SLC41A2: variants seen among roughly 807,000 people sequenced by gnomAD.
The protein encoded by SLC41A2 is SLC41A1-like 1.
SLC41A2 carries 32 observed loss-of-function variants against 58.3 expected under a neutral mutation model. The ratio of observed to expected loss-of-function variants is 0.55; its 90% CI spans 0.41 to 0.74. SLC41A2 has a LOEUF of 0.74. Ranked by LOEUF, SLC41A2 falls within the 30% of genes least tolerant of loss-of-function variation. SLC41A2 has a pLI of 0.00. For synonymous variants in SLC41A2, 190 were observed against 235.0 expected (o/e 0.81, Z 1.75); for missense variants, 514 against 680.6 (o/e 0.76, Z 2.72).
At chr12:104,855,739 T>C (rs2042995642) in intron 8 of SLC41A2, among the ~76,000 whole-genome samples, 1 of 152,156 alleles carries the variant, frequency 6.6e-6, no homozygotes, top group Non-Finnish European at 1.5e-5. Context: ...GCATCTTGAA[T>C]TCAGAAGCTA....
chr12:104,870,067 C>T lies in SLC41A2; in HGVS notation c.1028-3488G>A, dbSNP rs75477746. 3.5e-3 allele frequency among the ~76,000 whole-genome samples: 526 copies of T among 152,130 alleles called. 7 individuals carry two copies. Among genetic ancestry groups the T allele is most frequent in the African/African-American group, 0.012 (490 of 41,486 alleles). ...CAGGACCTGTGAATGCTACCTTATA[C>T]GGCAAAAGGGGCTTTGTAGAAATGA... On this transcript the variant is annotated intron_variant, in intron 6 of 10. Transcript: ENST00000258538.
intron 3 of SLC41A2, among the ~76,000 whole-genome samples, chr12:104,906,357 G>A (rs570897393): frequency 1.3e-5 from 2 of 152,288 alleles, no homozygotes; most frequent in East Asian, 3.9e-4. Flanking sequence ...AACGCCAAGG[G>A]GTGGGTGTTT....
At chr12:104,868,695 G>A (rs542025425) in intron 6 of SLC41A2, among the ~76,000 whole-genome samples, 4 of 152,192 alleles carry the variant, frequency 2.6e-5, no homozygotes, top group African/African-American at 7.2e-5. Flanking sequence ...AAAAGTAGAA[G>A]CAACCTAAAT....
intron 2 of SLC41A2, among the ~76,000 whole-genome samples, chr12:104,914,845 C>A (rs1380672396): frequency 2.0e-5 from 3 of 152,254 alleles, no homozygotes; most frequent in Non-Finnish European, 2.9e-5. Flanking sequence ...TAGTAATTAA[C>A]TGAGTGTTTA....
At chr12:104,807,443 T>C (rs1486946831) in intron 10 of SLC41A2, among the ~76,000 whole-genome samples, 1 of 152,162 alleles carries the variant, frequency 6.6e-6, no homozygotes, top group Non-Finnish European at 1.5e-5. Flanking sequence ...TTTGGTACAG[T>C]ACCATGCTGT....
intron 2 of SLC41A2, among the ~76,000 whole-genome samples, chr12:104,917,485 A>G (rs543235750): frequency 5.9e-5 from 9 of 152,240 alleles, no homozygotes; most frequent in Admixed American, 5.2e-4. Context: ...GTATATACCC[A>G]AAGGACTATA....
intron 1 of SLC41A2, among the ~76,000 whole-genome samples, chr12:104,957,568 T>C (rs1401146680): frequency 6.6e-6 from 1 of 152,238 alleles, no homozygotes; most frequent in Non-Finnish European, 1.5e-5. Context: ...ATATACGTAA[T>C]ATACACATCA....
At chr12:104,911,194 C>T (rs1417513360) in intron 2 of SLC41A2, among the ~76,000 whole-genome samples, 4 of 152,182 alleles carry the variant, frequency 2.6e-5, no homozygotes, top group African/African-American at 7.2e-5. Flanking sequence ...CAATGTATAA[C>T]TTACATGTAT....
At chr12:104,911,035 C>A (rs1247353043) in intron 2 of SLC41A2, among the ~76,000 whole-genome samples, 1 of 152,208 alleles carries the variant, frequency 6.6e-6, no homozygotes, top group African/African-American at 2.4e-5. Context: ...TCTCCACACC[C>A]CTTATCTTAA....
At chr12:104,837,650 G>C (rs1304680790) in intron 10 of SLC41A2, among the ~76,000 whole-genome samples, 1 of 152,072 alleles carries the variant, frequency 6.6e-6, no homozygotes, top group Non-Finnish European at 1.5e-5. Context: ...CTGCAGTAAA[G>C]AACAGGGGCC....
At chr12:104,823,769 T>A (rs1273328636) in intron 10 of SLC41A2, among the ~76,000 whole-genome samples, 1 of 152,146 alleles carries the variant, frequency 6.6e-6, no homozygotes, top group Non-Finnish European at 1.5e-5. Context: ...CTGAACTTCA[T>A]TCAAATTAGA....
At position 104,930,577 on chromosome 12, in the gene SLC41A2, T is replaced by C. The variant is rs79832723; in HGVS notation, c.-167-1883A>G. 3.0e-3 allele frequency among the ~76,000 whole-genome samples: 450 copies of C among 152,308 alleles called. 3 individuals are homozygous for C. Among genetic ancestry groups the C allele is most frequent in the African/African-American group, 8.6e-3 (357 of 41,564 alleles). ...TGAGCTATAAGACAGGTCTATTCCA[T>C]AGGAGGACCAGTGATAGGAAACTTC... On this transcript the variant is annotated intron_variant, in intron 1 of 10. Transcript: ENST00000258538.
intron 10 of SLC41A2, among the ~76,000 whole-genome samples, chr12:104,831,777 C>T (rs965920155): frequency 1.3e-5 from 2 of 152,102 alleles, no homozygotes; most frequent in Admixed American, 6.5e-5. Flanking sequence ...TTATATCTAA[C>T]ATAGAAAACA....
intron 2 of SLC41A2, among the ~76,000 whole-genome samples, chr12:104,917,587 A>G (rs1212364503): frequency 6.6e-6 from 1 of 151,594 alleles, no homozygotes; most frequent in Non-Finnish European, 1.5e-5. Context: ...AATATCCAAC[A>G]ATGATAGACT....
At chr12:104,808,462 G>T (rs149727731) in intron 10 of SLC41A2, among the ~76,000 whole-genome samples, 3,600 of 152,186 alleles carry the variant, frequency 0.024, 76 homozygotes, top group East Asian at 0.093. Flanking sequence ...TGCTGGATTC[G>T]GTTTGCCAGT....
chr12:104,941,428 T>C (rs2047510079), intron 1 of SLC41A2, among the ~76,000 whole-genome samples: 2 of 152,162 alleles, frequency 1.3e-5, no homozygotes, highest in Non-Finnish European at 2.9e-5. Flanking sequence ...TCGCAAATAA[T>C]TTTTCAAATA....
rs1008156490 is a variant in SLC41A2 at position 104,801,911 on chromosome 12, A to T, written c.*3241T>A. The stretch of plus-strand genomic sequence containing the variant: ...TGGCTTGATGTTCTCTAGTTCATCA[A>T]GAAGTAAGCATAACAAGACTGGATA... On this transcript the variant is annotated 3_prime_UTR_variant, in exon 11 of 11. Transcript: ENST00000258538. Among the ~76,000 whole-genome samples the T allele has an allele frequency of 2.0e-4, 30 of 152,222 alleles. No homozygotes were observed. Among genetic ancestry groups the T allele is most frequent in the African/African-American group, 7.0e-4 (29 of 41,466 alleles).
rs2040822970 is a variant in SLC41A2, at chr12:104,804,472, A to G, written c.*680T>C. 2 of 152,226 alleles carry G rather than the reference A, an allele frequency of 1.3e-5. No homozygotes were observed. Among genetic ancestry groups the G allele is most frequent in the East Asian group, 1.9e-4 (1 of 5,204 alleles). The allele number at this position is 152,226 out of a possible 1,614,324, so 9.4% of individuals were successfully genotyped here. A position where few individuals can be genotyped will look rare whatever the true frequency, so the allele number is the denominator to read the frequency against. ...CATTTTTCCAACAAATCAATCATCA[A>G]AAAATGACTCACTGCTTTCATTAAC... is the stretch of plus-strand genomic sequence containing the variant. On this transcript the variant is annotated 3_prime_UTR_variant, in exon 11 of 11. Coordinates refer to ENST00000258538, the MANE Select transcript of SLC41A2 (RefSeq NM_001352171.3).
intron 2 of SLC41A2, among the ~76,000 whole-genome samples, chr12:104,912,849 G>A (rs1037789228): frequency 6.6e-6 from 1 of 152,138 alleles, no homozygotes; most frequent in African/African-American, 2.4e-5. Context: ...AATTGAATTG[G>A]AGAACACTAA....
Sources: allele counts gnomAD v4.1 joint callset (sites outside exome capture counted in the v4.1 genomes callset), GRCh38; gene constraint gnomAD v4.1.1; transcripts MANE v1.5; gene names NCBI Gene and HGNC (gene_info 2026-07-23, HGNC 2026-07-21).